ATP13A1: variants seen among roughly 807,000 people sequenced by gnomAD.
ATP13A1 encodes the protein ATPase 13A1.
A neutral mutation model predicts 134.8 loss-of-function variants in ATP13A1; 55 were observed. That is an observed-to-expected ratio of 0.41 (90% CI 0.33 to 0.51). The LOEUF (loss-of-function observed/expected upper bound fraction) is 0.51, where lower values mean the gene tolerates loss of function less well. ATP13A1 is among the 20% of genes least tolerant of loss of function. The probability of loss-of-function intolerance (pLI) is 0.29; values close to 1 mark genes in which losing one functional copy is unlikely to be tolerated. For synonymous variants in ATP13A1, 775 were observed against 725.1 expected, an observed-to-expected ratio of 1.07 and a Z score of -1.10; for missense variants, 1,389 against 1,652.8, an observed-to-expected ratio of 0.84 and a Z score of 2.77.
Position 19,663,395 on chromosome 19 carries a change from C to T in ATP13A1, c.272G>A (p.Ser91Asn), listed in dbSNP as rs753823258. The change falls in exon 1 of 26, where the codon AGC (serine) becomes AAC (asparagine). Residue 91 changes from serine to asparagine, a missense_variant. Ser to Asn is a conservative substitution (Grantham distance 46). Around this residue, in one of 4 missense-constraint regions of ATP13A1, gnomAD observed 293 missense variants for 270.8 expected, o/e 1.08. Coordinates refer to ENST00000357324, the MANE Select transcript of ATP13A1 (RefSeq NM_020410.3). ...AGCTTCGGGGATCTGCACCCAACTG[C>T]TGCCCCAGCCCCAGCAGCCAGCGGC... ...AAAAGCWGWG[S>N]SWVQIPEAAL... The T allele has an allele frequency of 1.2e-4, 188 of 1,584,724 alleles. No homozygotes were observed. The highest frequency in any genetic ancestry group is 1.5e-4 in the Non-Finnish European group (179 of 1,167,484).
At chr19:19,649,517 GTCC>G in intron 19 of ATP13A1, 47 bp downstream of exon 19, 5 of 1,568,138 alleles carry the variant, frequency 3.2e-6, no homozygotes, top group Non-Finnish European at 4.3e-6. Flanking sequence ...TCAGTGACAT[GTCC>G]TCAACACCTC....
At position 19,655,976 on chromosome 19, in the gene ATP13A1, C is replaced by G. The variant is rs2062055188; in HGVS notation, c.1214-43G>C. The G allele has an allele frequency of 6.2e-7, 1 of 1,609,046 alleles. No individual in the cohort carries two copies. The highest frequency in any genetic ancestry group is 8.5e-7 in the Non-Finnish European group (1 of 1,178,964). On this transcript the variant is annotated intron_variant, in intron 8 of 25. Coordinates refer to ENST00000357324, the MANE Select transcript of ATP13A1 (RefSeq NM_020410.3). The surrounding 1 kb of genome is among the most constrained non-coding windows in gnomAD (Gnocchi z 5.7). ...GTCACCGTCATGCCTGTCTCCTCGT[C>G]CTGACTCCCTCATGATCAAGCAGAC...
Position 19,659,586 on chromosome 19 carries a change from A to C in ATP13A1, c.677+15T>G. On this transcript the variant is annotated intron_variant, in intron 3 of 25. Coordinates refer to ENST00000357324, the MANE Select transcript of ATP13A1 (RefSeq NM_020410.3). ...ACAGAAAGGCAAAGGTGCTACAGGC[A>C]AATCAAGGACTCACTTGTTGCTCCC... The C allele has an allele frequency of 6.2e-7, 1 of 1,602,264 alleles. No homozygotes were observed. The highest frequency in any genetic ancestry group is 8.5e-7 in the Non-Finnish European group (1 of 1,170,452).
At position 19,653,675 on chromosome 19, in the gene ATP13A1, G is replaced by A; in HGVS notation, c.2100+109C>T. ...GTAGAAGCTGGAGGCGGGGCAAGGA[G>A]GACAAAATCACAACCATTCAACCTG... On this transcript the variant is annotated intron_variant, in intron 15 of 25. Transcript: ENST00000357324. The surrounding 1 kb of genome is among the most constrained non-coding windows in gnomAD (Gnocchi z 4.2). 1 of 1,056,288 alleles carries A rather than the reference G, an allele frequency of 9.5e-7. No homozygotes were observed. The highest frequency in any genetic ancestry group is 2.6e-5 in the East Asian group (1 of 38,506). The allele number at this position is 1,056,288 out of a possible 1,614,324, so 65.4% of individuals were successfully genotyped here. A position where few individuals can be genotyped will look rare whatever the true frequency, so the allele number is the denominator to read the frequency against.
chr19:19,649,150 C>T (rs909513525), intron 19 of ATP13A1, among the ~76,000 whole-genome samples: 2 of 151,972 alleles, frequency 1.3e-5, no homozygotes, highest in African/African-American at 4.8e-5. Context: ...CTTGCACTGT[C>T]ACTTAGGTTA....
Position 19,657,034 on chromosome 19 carries a change from G to A in ATP13A1, c.866C>T (p.Ser289Leu), listed in dbSNP as rs750533319. 7 of 1,575,028 alleles carry A rather than the reference G, an allele frequency of 4.4e-6. No individual in the cohort carries two copies. The highest frequency in any genetic ancestry group is 2.4e-5 in the South Asian group (2 of 84,626). The change falls in exon 5 of 26, where the codon TCG becomes TTG. Residue 289 changes from serine to leucine, a missense_variant. Ser to Leu is a moderately radical substitution (Grantham distance 145). Around this residue, in one of 4 missense-constraint regions of ATP13A1, gnomAD observed 747 missense variants for 956.1 expected, o/e 0.78. Transcript: ENST00000357324. The part of the protein sequence containing the change: ...SLVQQQMRNM[S>L]EIRKMGNKPH... ...CTTGTTGCCCATCTTCCGGATCTCC[G>A]ACATGTTCCGCATCTGCTGCTGCAC... is the stretch of plus-strand genomic sequence containing the variant.
chr19:19,662,772 G>A (rs908916651), intron 1 of ATP13A1, among the ~76,000 whole-genome samples: 2 of 152,142 alleles, frequency 1.3e-5, no homozygotes, highest in African/African-American at 4.8e-5. Context: ...TCACAGTATG[G>A]AAGACCACTA....
chr19:19,647,763 G>C lies in ATP13A1; in HGVS notation c.2633-4C>G, dbSNP rs1282684883. ...GCATTGGCCAAGAGCGCCACACCTG[G>C]GGGGCAGGAGGGTGTCAGACCCGGA... is the stretch of plus-strand genomic sequence containing the variant. On this transcript the variant is annotated splice_region_variant and splice_polypyrimidine_tract_variant and intron_variant, in intron 19 of 25. Coordinates refer to ENST00000357324, the MANE Select transcript of ATP13A1 (RefSeq NM_020410.3). The surrounding 1 kb of genome is among the most constrained non-coding windows in gnomAD (Gnocchi z 4.8). 5 of 1,588,322 alleles carry C rather than the reference G, an allele frequency of 3.1e-6. No individual in the cohort carries two copies. Among genetic ancestry groups the C allele is most frequent in the Non-Finnish European group, 4.3e-6 (5 of 1,172,966 alleles).
chr19:19,657,438 C>G, intron 3 of ATP13A1, 30 bp from the exon 4 acceptor site: 1 of 1,551,512 alleles, frequency 6.4e-7, no homozygotes, highest in South Asian at 1.2e-5. Flanking sequence ...ATCCTGTTCC[C>G]AGGGCAAGGC....
Position 19,655,908 on chromosome 19 carries a change from G to A in ATP13A1, c.1239C>T (p.Tyr413=), listed in dbSNP as rs527630015. 1.5e-5 allele frequency: 24 copies of A among 1,598,378 alleles called. No individual in the cohort carries two copies. The highest frequency in any genetic ancestry group is 3.4e-5 in the South Asian group (3 of 89,518). Residue 413 remains tyrosine (Y), a synonymous_variant, in exon 9 of 26, where the codon TAC becomes TAT. Transcript: ENST00000357324. The surrounding 1 kb of genome is among the most constrained non-coding windows in gnomAD (Gnocchi z 5.7). ...ATGTGTTGAATCCGGTCCGCAGGAC[G>A]TAGGCCACGCACCCGCTGTCAACCG... ...LKPVDSGCVA[Y]VLRTGFNTSQ... is the part of the protein sequence containing the mutation.
chr19:19,652,347 G>T (rs2062030101), intron 16 of ATP13A1, among the ~76,000 whole-genome samples: 1 of 152,214 alleles, frequency 6.6e-6, no homozygotes, highest in Non-Finnish European at 1.5e-5. Flanking sequence ...GAAGTGGAGA[G>T]AAGTGCCCCC....
At position 19,648,807 on chromosome 19, in the gene ATP13A1, C is replaced by CAAAAAAAAAAAAAAAAAAAAAAAAAAAAA. The variant is rs71172506; in HGVS notation, c.2632+759_2632+760insTTTTTTTTTTTTTTTTTTTTTTTTTTTTT. 5.0e-5 allele frequency among the ~76,000 whole-genome samples: 2 copies of CAAAAAAAAAAAAAAAAAAAAAAAAAAAAA among 40,318 alleles called. 1 individual carries two copies. The highest frequency in any genetic ancestry group is 9.0e-5 in the Non-Finnish European group (2 of 22,248). 26.5% of individuals were successfully genotyped at this position (40,318 alleles called of 152,430 possible). A position where few individuals can be genotyped will look rare whatever the true frequency, so the allele number is the denominator to read the frequency against. On this transcript the variant is annotated intron_variant, in intron 19 of 25. Transcript: ENST00000357324. ...CTGGGCAACAAGAGAGAAACTGTCT[C>CAAAAAAAAAAAAAAAAAAAAAAAAAAAAA]AAAAAAAAAAAAAAAAAAAAAAGGC... is the stretch of plus-strand genomic sequence containing the variant.
chr19:19,655,869 G>T lies in ATP13A1; in HGVS notation c.1269+9C>A. 1 of 1,577,710 alleles carries T rather than the reference G, an allele frequency of 6.3e-7. No individual in the cohort carries two copies. On this transcript the variant is annotated intron_variant, in intron 9 of 25. Coordinates refer to ENST00000357324, the MANE Select transcript of ATP13A1 (RefSeq NM_020410.3). This position sits in a 1 kb window ranked among gnomAD's most constrained non-coding sequence, Gnocchi z 5.7. ...CTGGGGCCCGCCCTCCCCAGACCTGGCCCCGCACCTGGGATGTGTTGAATC... is the reference window on the plus strand; with the variant it reads ...CTGGGGCCCGCCCTCCCCAGACCTGTCCCCGCACCTGGGATGTGTTGAATC...
At chr19:19,648,012 G>A in intron 19 of ATP13A1, among the ~76,000 whole-genome samples, 1 of 152,156 alleles carries the variant, frequency 6.6e-6, no homozygotes, top group East Asian at 1.9e-4. Context: ...CACAACACGA[G>A]ATAGGTCAAA....
At chr19:19,651,514 G>A in intron 17 of ATP13A1, 175 bp downstream of exon 17, 2 of 505,498 alleles carry the variant, frequency 4.0e-6, no homozygotes, top group Non-Finnish European at 7.1e-6. Context: ...CTGCGACCCA[G>A]TGAACGCTCA....
chr19:19,659,607 C>T lies in ATP13A1; in HGVS notation c.671G>A (p.Ser224Asn). The T allele has an allele frequency of 2.5e-6, 4 of 1,609,538 alleles. No homozygotes were observed. The highest frequency in any genetic ancestry group is 2.2e-5 in the South Asian group (2 of 91,018). The stretch of plus-strand genomic sequence containing the variant: ...AGGCAAATCAAGGACTCACTTGTTG[C>T]TCCCAAATTTCTTCTCAGCTGCTCG... ...EIRAAEKKFG[S>N]NKAEMVVPDF... The change falls in exon 3 of 26, where the codon AGC (serine) becomes AAC (asparagine). Residue 224 changes from serine to asparagine, a missense_variant. Ser to Asn is a conservative substitution (Grantham distance 46). Coordinates refer to ENST00000357324, the MANE Select transcript of ATP13A1 (RefSeq NM_020410.3).
chr19:19,650,269 T>C (rs2062015699), intron 17 of ATP13A1: 2 of 416,252 alleles, frequency 4.8e-6, no homozygotes, highest in Non-Finnish European at 8.7e-6. Flanking sequence ...AAGGGGGCTA[T>C]TGCGCTCTCC....
At chr19:19,661,947 A>G (rs2062097467) in intron 1 of ATP13A1, 1 of 1,310,312 alleles carries the variant, frequency 7.6e-7, no homozygotes, top group Admixed American at 2.1e-5. Context: ...CTCTGCAGAT[A>G]TCATCTCCGC....
In ATP13A1 at chr19:19,653,449, C is replaced by T. The variant is rs569396440; in HGVS notation, c.2100+335G>A. 386 of 358,330 alleles carry T rather than the reference C, an allele frequency of 1.1e-3. 2 individuals are homozygous for T. Among genetic ancestry groups the T allele is most frequent in the Middle Eastern group, 3.9e-3 (5 of 1,284 alleles). 22.2% of individuals were successfully genotyped at this position (358,330 alleles called of 1,614,324 possible). Reference sequence around the variant, plus strand: ...GCGGCAGATGTGCCGGTGGTGGAGGCGGAGGGTGGGCTTTGTGGAGGATGG... The same window carrying T: ...GCGGCAGATGTGCCGGTGGTGGAGGTGGAGGGTGGGCTTTGTGGAGGATGG... On this transcript the variant is annotated intron_variant, in intron 15 of 25. Coordinates refer to ENST00000357324, the MANE Select transcript of ATP13A1 (RefSeq NM_020410.3). The surrounding 1 kb of genome is among the most constrained non-coding windows in gnomAD (Gnocchi z 4.2).
Sources: allele counts gnomAD v4.1 joint callset (sites outside exome capture counted in the v4.1 genomes callset), GRCh38; gene constraint gnomAD v4.1.1; regional missense constraint gnomAD v4.1.1; non-coding constraint Gnocchi (gnomAD v3.1); transcripts MANE v1.5; gene names NCBI Gene and HGNC (gene_info 2026-07-23, HGNC 2026-07-21).